The following TRIO variants were observed in gnomAD, a reference collection of about 807,000 sequenced individuals.
TRIO encodes the protein trio Rho guanine nucleotide exchange factor, also known as triple functional domain protein.
TRIO carries 58 observed loss-of-function variants against 351.9 expected under a neutral mutation model. That is an observed-to-expected ratio of 0.16 (90% CI 0.13 to 0.21). The LOEUF (loss-of-function observed/expected upper bound fraction) is 0.21, where lower values mean the gene tolerates loss of function less well. TRIO is among the 10% of genes least tolerant of loss of function. The pLI is 1.00. For missense variants in TRIO, 3,201 were observed against 4,027.8 expected (o/e 0.79, Z 5.56); for synonymous variants, 1,758 against 1,595.7 (o/e 1.10, Z -2.42).
At chr5:14,498,986 C>T in intron 53 of TRIO, 1 of 249,414 alleles carries the variant, frequency 4.0e-6, no homozygotes, top group Non-Finnish European at 8.0e-6. Flanking sequence ...TTCCGTGCTC[C>T]TAGTACTCAA....
chr5:14,450,193 A>G (rs1340007676), intron 34 of TRIO, among the ~76,000 whole-genome samples: 1 of 151,992 alleles, frequency 6.6e-6, no homozygotes, highest in Non-Finnish European at 1.5e-5. Flanking sequence ...AGGACTCCTC[A>G]CTCTTGAGTG....
chr5:14,360,439 C>T (rs757944536), intron 13 of TRIO, among the ~76,000 whole-genome samples: 1 of 152,238 alleles, frequency 6.6e-6, no homozygotes, highest in Non-Finnish European at 1.5e-5. Context: ...CCGCTTCTTA[C>T]AGCTGGTGGC....
intron 15 of TRIO, among the ~76,000 whole-genome samples, chr5:14,365,638 A>G (rs1365182842): frequency 1.3e-5 from 2 of 152,258 alleles, no homozygotes; most frequent in Non-Finnish European, 2.9e-5. Context: ...TTATTTAAGA[A>G]ATAACGGAAT....
At chr5:14,250,514 A>G (rs751422997) in intron 1 of TRIO, among the ~76,000 whole-genome samples, 1 of 152,148 alleles carries the variant, frequency 6.6e-6, no homozygotes, top group Non-Finnish European at 1.5e-5. Flanking sequence ...ACAAATTAGC[A>G]CTAGGGGAGG....
chr5:14,485,455 T>C (rs1050643240), intron 47 of TRIO, among the ~76,000 whole-genome samples: 8 of 152,182 alleles, frequency 5.3e-5, no homozygotes, highest in Non-Finnish European at 8.8e-5. Flanking sequence ...ATGAGAAAGC[T>C]GGGGCACTGA....
chr5:14,390,588 G>T (rs558698649), intron 26 of TRIO: 20 of 531,446 alleles, frequency 3.8e-5, no homozygotes, highest in Admixed American at 2.6e-4. Context: ...CTGGGGGATC[G>T]TCTAGTCTAG....
At chr5:14,296,178 T>C (rs148152669) in intron 6 of TRIO, among the ~76,000 whole-genome samples, 21 of 151,912 alleles carry the variant, frequency 1.4e-4, no homozygotes, top group African/African-American at 3.6e-4. Context: ...GGAAATCAGA[T>C]TGGGGCAACG....
chr5:14,485,461 A>G (rs1755849296), intron 47 of TRIO, among the ~76,000 whole-genome samples: 1 of 152,220 alleles, frequency 6.6e-6, no homozygotes, highest in Non-Finnish European at 1.5e-5. Context: ...AAGCTGGGGC[A>G]CTGAGCGGCT....
chr5:14,440,538 A>T (rs534025429), intron 34 of TRIO, among the ~76,000 whole-genome samples: 1 of 152,360 alleles, frequency 6.6e-6, no homozygotes, highest in African/African-American at 2.4e-5. Context: ...AACTTCTAAG[A>T]TACGCTTTCC....
chr5:14,143,913 G>C (rs1787328665), intron 1 of TRIO, 31 bp downstream of exon 1: 1 of 1,060,386 alleles, frequency 9.4e-7, no homozygotes, highest in Non-Finnish European at 1.1e-6. Context: ...CCCGCCCAGC[G>C]GCGCTGCCCC....
intron 29 of TRIO, 88 bp downstream of exon 29, chr5:14,397,242 C>T (rs1387058178): frequency 8.1e-6 from 8 of 985,730 alleles, no homozygotes; most frequent in Middle Eastern, 2.2e-4. Context: ...TAAAAATCCC[C>T]GCTTTATGTC....
At chr5:14,487,109 C>G (rs927583497) in intron 47 of TRIO, among the ~76,000 whole-genome samples, 1 of 152,130 alleles carries the variant, frequency 6.6e-6, no homozygotes, top group East Asian at 1.9e-4. Context: ...TCCACGGCAG[C>G]CCCAGGGTTT....
chr5:14,448,358 G>C (rs959172131), intron 34 of TRIO, among the ~76,000 whole-genome samples: 1 of 152,232 alleles, frequency 6.6e-6, no homozygotes, highest in Non-Finnish European at 1.5e-5. Flanking sequence ...GGGGCTGGGG[G>C]AATATGGGGT....
At chr5:14,164,312 A>G (rs1044645101) in intron 1 of TRIO, among the ~76,000 whole-genome samples, 1 of 152,192 alleles carries the variant, frequency 6.6e-6, no homozygotes. Context: ...AATAAGCTAT[A>G]ATTTCCTTGA....
chr5:14,426,550 G>T (rs1172294571), intron 34 of TRIO, among the ~76,000 whole-genome samples: 1 of 152,184 alleles, frequency 6.6e-6, no homozygotes, highest in Non-Finnish European at 1.5e-5. Context: ...CTCACTGAAA[G>T]CACCTTAAAC....
chr5:14,242,644 G>A (rs545198979), intron 1 of TRIO, among the ~76,000 whole-genome samples: 1 of 152,280 alleles, frequency 6.6e-6, no homozygotes, highest in South Asian at 2.1e-4. Flanking sequence ...GCAGGATCAT[G>A]GGTCATCGTA....
chr5:14,434,484 G>GT (rs911374941), intron 34 of TRIO, among the ~76,000 whole-genome samples: 156 of 148,978 alleles, frequency 1.0e-3, no homozygotes, highest in African/African-American at 2.9e-3. Flanking sequence ...ACAACACTCA[G>GT]TTTTTTTTTT....
At chr5:14,259,387 G>A (rs183299700) in intron 1 of TRIO, among the ~76,000 whole-genome samples, 46 of 152,348 alleles carry the variant, frequency 3.0e-4, no homozygotes, top group Middle Eastern at 3.4e-3. Context: ...AAAGGGGTAG[G>A]AGGAGAAGAA....
rs73749263 is a variant in TRIO at position 14,465,646 on chromosome 5, G to T, written c.5763+6G>T. 2,495 of 1,614,054 alleles carry T rather than the reference G, an allele frequency of 1.5e-3. 52 individuals are homozygous for T. In the African/African-American group the frequency reaches 0.03, roughly 20 times the overall value. On this transcript the variant is annotated splice_donor_region_variant and intron_variant, in intron 37 of 56. Coordinates refer to ENST00000344204, the MANE Select transcript of TRIO (RefSeq NM_007118.4). ...AACTCGTGAAAAGCAAGATGGTGAG[G>T]CCTCCCAGAGAAAGTCTGACTTTTG...
Sources: gnomAD v4.1 joint callset for allele counts (sites outside exome capture counted in the v4.1 genomes callset) on GRCh38, gnomAD v4.1.1 for gene constraint, MANE v1.5 for transcripts, NCBI Gene and HGNC (gene_info 2026-07-23, HGNC 2026-07-21) for gene names.